The following DYNC1I1 variants were observed in gnomAD, a reference collection of about 807,000 sequenced individuals.
DYNC1I1 encodes dynein cytoplasmic 1 intermediate chain 1.
Under a neutral mutation model 86.6 loss-of-function variants are expected in DYNC1I1, and 43 were observed. The observed-to-expected ratio is 0.50, with a 90% confidence interval of 0.39 to 0.64. The LOEUF (loss-of-function observed/expected upper bound fraction) is 0.64. DYNC1I1 is among the 30% of genes least tolerant of loss of function. DYNC1I1 has a pLI of 0.00. For missense variants in DYNC1I1, 604 were observed against 788.8 expected, an observed-to-expected ratio of 0.77 and a Z score of 2.81; for synonymous variants, 262 against 283.7, an observed-to-expected ratio of 0.92 and a Z score of 0.77.
chr7:96,014,409 G>A (rs773730930), intron 10 of DYNC1I1, among the ~76,000 whole-genome samples: 10 of 152,158 alleles, frequency 6.6e-5, no homozygotes, highest in Non-Finnish European at 1.5e-4. Flanking sequence ...TAGGAACCCA[G>A]TGCCTTTCAC....
chr7:96,043,538 T>TAAAA (rs57606644), intron 14 of DYNC1I1, among the ~76,000 whole-genome samples: 10 of 143,280 alleles, frequency 7.0e-5, no homozygotes, highest in Non-Finnish European at 7.7e-5. Context: ...AACAATGTAT[T>TAAAA]AAAAAAAAAA....
At chr7:96,104,802 C>T (rs951253150) in intron 16 of DYNC1I1, among the ~76,000 whole-genome samples, 9 of 151,946 alleles carry the variant, frequency 5.9e-5, no homozygotes, top group Admixed American at 1.3e-4. Flanking sequence ...AATCAAGTGG[C>T]GTAAGTACTC....
chr7:95,962,711 A>T (rs1162148355), intron 6 of DYNC1I1, among the ~76,000 whole-genome samples: 4 of 152,210 alleles, frequency 2.6e-5, no homozygotes, highest in African/African-American at 9.6e-5. Flanking sequence ...GATCTTAAAG[A>T]AGCTGAAGAA....
intron 16 of DYNC1I1, among the ~76,000 whole-genome samples, chr7:96,087,140 T>C (rs1215589086): frequency 6.6e-6 from 1 of 152,146 alleles, no homozygotes; most frequent in Non-Finnish European, 1.5e-5. Flanking sequence ...CTCCTTCATG[T>C]TTTCCAGTAA....
At chr7:96,079,659 G>A (rs1790451944) in intron 15 of DYNC1I1, among the ~76,000 whole-genome samples, 1 of 152,114 alleles carries the variant, frequency 6.6e-6, no homozygotes, top group Non-Finnish European at 1.5e-5. Context: ...CATTTTCTAT[G>A]AGTGGGTGGC....
At position 96,076,215 on chromosome 7, in the gene DYNC1I1, C is replaced by T. The variant is rs1790333200; in HGVS notation, c.1650+18C>T. The T allele has an allele frequency of 7.4e-6, 12 of 1,612,776 alleles. No individual in the cohort carries two copies. Among genetic ancestry groups the T allele is most frequent in the Non-Finnish European group, 1.0e-5 (12 of 1,179,328 alleles). ...ACACCGAGGTGAGCGGCGGCTCAGG[C>T]GCCCGGGCCGGAGGGCTGGGAGGGG... On this transcript the variant is annotated intron_variant, in intron 15 of 16. Coordinates refer to ENST00000447467, the MANE Select transcript of DYNC1I1 (RefSeq NM_001135556.2).
At chr7:95,783,143 T>C (rs1794039102) in intron 1 of DYNC1I1, among the ~76,000 whole-genome samples, 1 of 152,214 alleles carries the variant, frequency 6.6e-6, no homozygotes, top group African/African-American at 2.4e-5. Context: ...CACCCTCTTC[T>C]ACCCAGTATT....
At chr7:95,980,335 T>C (rs1329008307) in intron 7 of DYNC1I1, among the ~76,000 whole-genome samples, 1 of 151,976 alleles carries the variant, frequency 6.6e-6, no homozygotes, top group Non-Finnish European at 1.5e-5. Context: ...CAAGACAGTA[T>C]TTTGCAAACT....
intron 10 of DYNC1I1, among the ~76,000 whole-genome samples, chr7:96,025,194 A>C (rs1372552358): frequency 2.0e-5 from 3 of 152,184 alleles, no homozygotes; most frequent in Non-Finnish European, 4.4e-5. Flanking sequence ...TTTACATCTA[A>C]GCAATTGAAA....
intron 6 of DYNC1I1, among the ~76,000 whole-genome samples, chr7:95,875,832 A>G (rs1280531379): frequency 1.3e-5 from 2 of 152,082 alleles, no homozygotes; most frequent in Non-Finnish European, 2.9e-5. Flanking sequence ...AGCATTGGCT[A>G]TCTCTCTTTT....
chr7:96,107,715 A>T (rs1791238332), intron 16 of DYNC1I1, among the ~76,000 whole-genome samples: 1 of 151,846 alleles, frequency 6.6e-6, no homozygotes. Flanking sequence ...TATTTTTAGT[A>T]GAGACAGGGT....
Position 96,037,935 on chromosome 7 carries a change from C to G in DYNC1I1, c.1365-1342C>G, listed in dbSNP as rs944237968. 3.9e-5 allele frequency among the ~76,000 whole-genome samples: 6 copies of G among 152,208 alleles called. No individual in the cohort carries two copies. The South Asian group carries it at 1.2e-3, about 32-fold the overall frequency. On this transcript the variant is annotated intron_variant, in intron 13 of 16. Coordinates refer to ENST00000447467, the MANE Select transcript of DYNC1I1 (RefSeq NM_001135556.2). ...AGAAGCAGGGGATTGCTATTTTTCA[C>G]CTAACATAGAGAAGGTGCAAATCCA...
intron 1 of DYNC1I1, among the ~76,000 whole-genome samples, chr7:95,788,497 A>G (rs982592404): frequency 1.3e-5 from 2 of 152,204 alleles, no homozygotes; most frequent in Non-Finnish European, 2.9e-5. Flanking sequence ...CATTTGTCAC[A>G]GCTAGTGCTT....
chr7:95,830,840 C>T (rs975958595), intron 5 of DYNC1I1, among the ~76,000 whole-genome samples: 4 of 152,014 alleles, frequency 2.6e-5, no homozygotes, highest in Admixed American at 6.6e-5. Context: ...ATGAGAGCCT[C>T]GATTTTTCCA....
chr7:95,975,322 G>A (rs73397036), intron 6 of DYNC1I1, among the ~76,000 whole-genome samples: 2,894 of 152,240 alleles, frequency 0.019, 85 homozygotes, highest in African/African-American at 0.065. Context: ...TGGAGGCTAG[G>A]ATCTGAGATC....
intron 1 of DYNC1I1, among the ~76,000 whole-genome samples, chr7:95,777,494 C>T (rs1793873113): frequency 6.6e-6 from 1 of 152,220 alleles, no homozygotes. Flanking sequence ...CACTACTTAC[C>T]AGATGACTTA....
At chr7:95,929,706 C>G (rs1030334559) in intron 6 of DYNC1I1, among the ~76,000 whole-genome samples, 39 of 152,208 alleles carry the variant, frequency 2.6e-4, no homozygotes, top group African/African-American at 9.2e-4. Flanking sequence ...AGGGTAACCA[C>G]TACATCATAG....
chr7:96,079,027 T>C (rs1467305657), intron 15 of DYNC1I1, among the ~76,000 whole-genome samples: 1 of 151,778 alleles, frequency 6.6e-6, no homozygotes, highest in Non-Finnish European at 1.5e-5. Flanking sequence ...GGGTTTTTTT[T>C]TGTTTTTTTG....
At chr7:95,916,762 G>A (rs897423025) in intron 6 of DYNC1I1, among the ~76,000 whole-genome samples, 2 of 152,128 alleles carry the variant, frequency 1.3e-5, no homozygotes, top group Non-Finnish European at 2.9e-5. Flanking sequence ...ACAAAAAATG[G>A]CCAGTAGAGG....
Sources: gnomAD v4.1 joint callset for allele counts (sites outside exome capture counted in the v4.1 genomes callset) on GRCh38, gnomAD v4.1.1 for gene constraint, MANE v1.5 for transcripts, NCBI Gene and HGNC (gene_info 2026-07-23, HGNC 2026-07-21) for gene names.